The following AMMECR1 variants were observed in gnomAD, a reference collection of about 807,000 sequenced individuals.
The protein encoded by AMMECR1 is nuclear protein AMMECR1.
Under a neutral mutation model 22.5 loss-of-function variants are expected in AMMECR1, and 3 were observed. The observed-to-expected ratio is 0.13, with a 90% CI of 0.06 to 0.35. The LOEUF is 0.35. AMMECR1 is among the 10% of genes least tolerant of loss of function. AMMECR1 has a pLI of 1.00. For missense variants in AMMECR1, 235 were observed against 278.7 expected, an observed-to-expected ratio of 0.84 and a Z score of 1.12; for synonymous variants, 130 against 116.7, an observed-to-expected ratio of 1.11 and a Z score of -0.74.
At chrX:110,223,379 G>T (rs1178913412) in intron 2 of AMMECR1, among the ~76,000 whole-genome samples, 5 of 111,813 alleles carry the variant, frequency 4.5e-5, no homozygotes, top group African/African-American at 1.6e-4. Flanking sequence ...TATGAATCTG[G>T]TTCATCTTTA....
At chrX:110,280,218 T>G (rs1478256619) in intron 1 of AMMECR1, among the ~76,000 whole-genome samples, 1 of 111,424 alleles carries the variant, frequency 9.0e-6, no homozygotes, top group Non-Finnish European at 1.9e-5. Flanking sequence ...TGCTAAGTGG[T>G]AGGGCCAAGA....
At chrX:110,235,231 T>C (rs1479493174) in intron 2 of AMMECR1, among the ~76,000 whole-genome samples, 2 of 112,220 alleles carry the variant, frequency 1.8e-5, no homozygotes, top group East Asian at 5.6e-4. Flanking sequence ...CATGAAAAAA[T>C]GCTTATCATC....
chrX:110,273,137 T>A (rs1230015139), intron 1 of AMMECR1, among the ~76,000 whole-genome samples: 2 of 112,313 alleles, frequency 1.8e-5, no homozygotes, highest in Non-Finnish European at 1.9e-5. Context: ...CAACAATGTA[T>A]AAGCGTTCCC....
chrX:110,338,177 A>G (rs1409028462), intron 2 of AMMECR1, among the ~76,000 whole-genome samples: 1 of 112,250 alleles, frequency 8.9e-6, no homozygotes, highest in East Asian at 2.8e-4. Context: ...GATGTGTTTA[A>G]TACCACTGAA....
intron 2 of AMMECR1, among the ~76,000 whole-genome samples, chrX:110,242,872 G>A (rs1442468921): frequency 8.9e-6 from 1 of 111,843 alleles, no homozygotes; most frequent in African/African-American, 3.2e-5. Context: ...AAAACAATTT[G>A]GACACTTGTC....
chrX:110,280,778 G>A (rs746402917), intron 1 of AMMECR1, among the ~76,000 whole-genome samples: 1 of 111,592 alleles, frequency 9.0e-6, no homozygotes, highest in Non-Finnish European at 1.9e-5. Context: ...CAACTGAATT[G>A]CATAAACATT....
chrX:110,203,132 A>G (rs1226429384), intron 3 of AMMECR1, among the ~76,000 whole-genome samples: 1 of 112,121 alleles, frequency 8.9e-6, no homozygotes, highest in African/African-American at 3.2e-5. Context: ...TATGACTTAG[A>G]GTGGGGTAGT....
At chrX:110,394,325 A>G (rs1400921241) in intron 2 of AMMECR1, among the ~76,000 whole-genome samples, 5 of 111,294 alleles carry the variant, frequency 4.5e-5, no homozygotes, top group Non-Finnish European at 1.9e-5. Context: ...ATCACGGCTC[A>G]CTGCAGCCTC....
At chrX:110,207,626 C>A (rs1243607961) in intron 3 of AMMECR1, among the ~76,000 whole-genome samples, 6 of 111,486 alleles carry the variant, frequency 5.4e-5, no homozygotes, top group African/African-American at 2.0e-4. Flanking sequence ...TTCAACCTGA[C>A]CACCAATTTG....
chrX:110,247,628 T>C (rs1319910431), intron 2 of AMMECR1, among the ~76,000 whole-genome samples: 1 of 110,088 alleles, frequency 9.1e-6, no homozygotes, highest in Non-Finnish European at 1.9e-5. Context: ...GAGGCACAGG[T>C]TGCAGTGCGC....
chrX:110,324,987 G>A (rs1187848311), intron 2 of AMMECR1, among the ~76,000 whole-genome samples: 1 of 110,731 alleles, frequency 9.0e-6, no homozygotes, highest in Non-Finnish European at 1.9e-5. Flanking sequence ...TCTAGTTTTG[G>A]CATCAGGAAA....
At chrX:110,398,939 A>G (rs2068545966) in intron 2 of AMMECR1, among the ~76,000 whole-genome samples, 1 of 112,199 alleles carries the variant, frequency 8.9e-6, no homozygotes, top group African/African-American at 3.2e-5. Flanking sequence ...GTTTTTGCTC[A>G]TTAGGAAAAA....
intron 1 of AMMECR1, among the ~76,000 whole-genome samples, chrX:110,432,878 A>G (rs1318582713): frequency 8.9e-6 from 1 of 112,802 alleles, no homozygotes; most frequent in Non-Finnish European, 1.9e-5. Flanking sequence ...CTGCCATGTC[A>G]TGCATCCTCA....
chrX:110,252,674 C>A (rs749285816), intron 2 of AMMECR1, among the ~76,000 whole-genome samples: 50 of 112,249 alleles, frequency 4.5e-4, no homozygotes, highest in African/African-American at 1.3e-3. Context: ...TTATAATCCA[C>A]AATTTCTAAA....
intron 2 of AMMECR1, among the ~76,000 whole-genome samples, chrX:110,374,359 T>C (rs771291473): frequency 8.9e-6 from 1 of 112,297 alleles, no homozygotes; most frequent in Non-Finnish European, 1.9e-5. Flanking sequence ...ATGTTTTAAA[T>C]GCATGAGTGA....
At chrX:110,242,522 G>A (rs1190902725) in intron 2 of AMMECR1, among the ~76,000 whole-genome samples, 1 of 111,856 alleles carries the variant, frequency 8.9e-6, no homozygotes, top group Non-Finnish European at 1.9e-5. Flanking sequence ...TTTATATGCT[G>A]GGTTAATCAT....
intron 2 of AMMECR1, among the ~76,000 whole-genome samples, chrX:110,368,958 T>C (rs775323617): frequency 8.9e-6 from 1 of 112,104 alleles, no homozygotes; most frequent in Admixed American, 9.4e-5. Flanking sequence ...GTAGTGAGTT[T>C]AGTCTTTACA....
intron 2 of AMMECR1, among the ~76,000 whole-genome samples, chrX:110,344,253 G>C (rs150332223): frequency 4.5e-5 from 5 of 111,907 alleles, no homozygotes; most frequent in South Asian, 3.7e-4. Flanking sequence ...AAAGGATTCC[G>C]TATTTAACAA....
intron 2 of AMMECR1, among the ~76,000 whole-genome samples, chrX:110,248,434 G>T (rs2067670633): frequency 9.0e-6 from 1 of 110,956 alleles, no homozygotes; most frequent in Non-Finnish European, 1.9e-5. Flanking sequence ...ACAATCTGGA[G>T]AATTTTATTG....
Sources: gnomAD v4.1 joint callset for allele counts (sites outside exome capture counted in the v4.1 genomes callset) on GRCh38, gnomAD v4.1.1 for gene constraint, MANE v1.5 for transcripts, NCBI Gene and HGNC (gene_info 2026-07-23, HGNC 2026-07-21) for gene names.